Variants in NTRK2 observed in about 807,000 individuals in gnomAD.
NTRK2 encodes the protein BDNF/NT-3 growth factors receptor.
NTRK2 carries 13 observed loss-of-function variants against 94.5 expected under a neutral mutation model. That is an observed-to-expected ratio of 0.14 (90% CI 0.09 to 0.22). The LOEUF (loss-of-function observed/expected upper bound fraction) is 0.22, where lower values mean the gene tolerates loss of function less well. NTRK2 is among the 10% of genes least tolerant of loss of function. NTRK2 has a pLI of 1.00. For missense variants in NTRK2, 639 were observed against 1,071.2 expected, an observed-to-expected ratio of 0.60 and a Z score of 5.63; for synonymous variants, 372 against 407.4, an observed-to-expected ratio of 0.91 and a Z score of 1.05.
In NTRK2 at chr9:84,951,533, G is replaced by T. The variant is rs1053706132; in HGVS notation, c.1937+2899G>T. On this transcript the variant is annotated intron_variant, in intron 16 of 18. Transcript: ENST00000277120. The stretch of plus-strand genomic sequence containing the variant: ...GCTTCCGTGAGCTCACAGTGTGTCT[G>T]TACATACATGAATGTGTGTGTGTGT... 2.0e-5 allele frequency among the ~76,000 whole-genome samples: 3 copies of T among 150,536 alleles called. No individual in the cohort carries two copies. In the East Asian group the frequency reaches 5.9e-4, roughly 29 times the overall value.
chr9:85,016,925 A>G (rs768837413), intron 17 of NTRK2, among the ~76,000 whole-genome samples: 2 of 152,200 alleles, frequency 1.3e-5, no homozygotes, highest in Non-Finnish European at 2.9e-5. Flanking sequence ...CAGAAAATAA[A>G]TGATCAGATG....
Position 84,707,910 on chromosome 9 carries a change from A to T in NTRK2, c.426A>T (p.Glu142Asp). 1 of 1,611,882 alleles carries T rather than the reference A, an allele frequency of 6.2e-7. No individual in the cohort carries two copies. Among genetic ancestry groups the T allele is most frequent in the Non-Finnish European group, 8.5e-7 (1 of 1,178,348 alleles). ...ATTTCCGTCACCTTGACTTGTCTGA[A>T]CTGTAAGTAATGATTTTGTGTGGCA... Reference protein sequence around the residue: ...RKHFRHLDLSELILVGNPFTC... With the variant: ...RKHFRHLDLSDLILVGNPFTC... Residue 142 changes from glutamate (E) to aspartate (D), a missense_variant and splice_region_variant, in exon 5 of 19, where the codon GAA (glutamate) becomes GAT (aspartate). Around this residue, in one of 5 missense-constraint regions of NTRK2, gnomAD observed 206 missense variants for 251.5 expected, o/e 0.82. Transcript: ENST00000277120.
intron 14 of NTRK2, among the ~76,000 whole-genome samples, chr9:84,919,251 CCATCCACATCAGCTT>C (rs1337759500): frequency 6.6e-6 from 1 of 152,188 alleles, no homozygotes; most frequent in African/African-American, 2.4e-5. Context: ...CCGATAGTTA[CCATCCACATCAGCTT>C]CTTTCTTGAG....
intron 12 of NTRK2, among the ~76,000 whole-genome samples, chr9:84,759,362 G>C (rs1294094831): frequency 6.6e-6 from 1 of 152,238 alleles, no homozygotes; most frequent in Non-Finnish European, 1.5e-5. Flanking sequence ...GAATTGGCTA[G>C]AGTAGCCCAG....
chr9:84,940,080 T>C (rs1337078291), intron 15 of NTRK2, among the ~76,000 whole-genome samples: 2 of 152,152 alleles, frequency 1.3e-5, no homozygotes, highest in African/African-American at 4.8e-5. Context: ...AATATTCTGA[T>C]TATCCAGGCC....
chr9:84,830,150 G>A (rs766415214), intron 12 of NTRK2, among the ~76,000 whole-genome samples: 2 of 152,206 alleles, frequency 1.3e-5, no homozygotes, highest in African/African-American at 2.4e-5. Context: ...AAGCCTCACA[G>A]TGGCTCTGGC....
chr9:84,846,375 C>A (rs2074474601), intron 12 of NTRK2, among the ~76,000 whole-genome samples: 1 of 152,224 alleles, frequency 6.6e-6, no homozygotes, highest in African/African-American at 2.4e-5. Context: ...ATTTCTAAAT[C>A]ATTTAAGAAG....
At chr9:84,853,784 A>T (rs1241469332) in intron 12 of NTRK2, among the ~76,000 whole-genome samples, 1 of 152,216 alleles carries the variant, frequency 6.6e-6, no homozygotes, top group East Asian at 1.9e-4. Flanking sequence ...ATGACTCTGC[A>T]TAAGGACCTT....
At chr9:84,904,359 C>T (rs1306823745) in intron 14 of NTRK2, among the ~76,000 whole-genome samples, 15 of 152,210 alleles carry the variant, frequency 9.9e-5, no homozygotes. Context: ...ATTTATTCTT[C>T]AAGCATGACT....
intron 12 of NTRK2, among the ~76,000 whole-genome samples, chr9:84,755,525 CTTTTTTTTTTTTTT>C (rs745611460): frequency 3.3e-5 from 2 of 60,644 alleles, no homozygotes; most frequent in African/African-American, 7.0e-5. Flanking sequence ...AGTCCCACCT[CTTTTTTTTTTTTTT>C]TTTTTTTTTT....
At chr9:84,907,558 A>G (rs1026010972) in intron 14 of NTRK2, among the ~76,000 whole-genome samples, 2 of 152,240 alleles carry the variant, frequency 1.3e-5, no homozygotes, top group Admixed American at 6.5e-5. Flanking sequence ...CAAAAATCCC[A>G]AAAGCTCTGC....
rs143580063 is a variant in NTRK2, at chr9:84,886,477, C to T, written c.1633+19046C>T. ...GTTCAAGTCTAGCCTTAATTATCAC[C>T]GAAGCTCAGGGCCACTGCCATTCTC... On this transcript the variant is annotated intron_variant, in intron 14 of 18. Transcript: ENST00000277120. Among the ~76,000 whole-genome samples, 710 of 152,304 alleles carry T rather than the reference C, an allele frequency of 4.7e-3. 13 individuals are homozygous for T. The highest frequency in any genetic ancestry group is 0.038 in the Admixed American group (574 of 15,306).
chr9:84,783,189 G>A (rs17080621), intron 12 of NTRK2, among the ~76,000 whole-genome samples: 12,831 of 152,238 alleles, frequency 0.084, 957 homozygotes, highest in African/African-American at 0.19. Context: ...ACTGTGAAGG[G>A]TGACCTGTGA....
chr9:84,906,814 T>C (rs1421857061), intron 14 of NTRK2, among the ~76,000 whole-genome samples: 1 of 152,242 alleles, frequency 6.6e-6, no homozygotes, highest in Non-Finnish European at 1.5e-5. Context: ...TGGCTGTGCC[T>C]GTCGATGGAC....
chr9:84,808,992 A>G (rs1055981463), intron 12 of NTRK2, among the ~76,000 whole-genome samples: 1 of 152,180 alleles, frequency 6.6e-6, no homozygotes, highest in East Asian at 1.9e-4. Context: ...GGAGATTTCT[A>G]TTACCACATG....
Position 84,742,900 on chromosome 9 carries a change from A to G in NTRK2, c.1195+973A>G, listed in dbSNP as rs573174103. 4.2e-5 allele frequency among the ~76,000 whole-genome samples: 6 copies of G among 144,358 alleles called. No individual in the cohort carries two copies. The Admixed American group carries it at 4.4e-4, about 11-fold the overall frequency. The allele number at this position is 144,358 out of a possible 152,430, so 94.7% of individuals were successfully genotyped here. A position where few individuals can be genotyped will look rare whatever the true frequency, so the allele number is the denominator to read the frequency against. ...ACTGCAACCTCCGCCTCCCGAGTTC[A>G]AGCGATTCTCCTGCCTCAGCCTCCT... On this transcript the variant is annotated intron_variant, in intron 10 of 18. Transcript: ENST00000277120.
At chr9:84,930,978 T>A (rs761897916) in intron 14 of NTRK2, among the ~76,000 whole-genome samples, 6 of 152,232 alleles carry the variant, frequency 3.9e-5, no homozygotes, top group African/African-American at 1.4e-4. Context: ...CAAGTAGTAC[T>A]TGTCTGTGGT....
chr9:84,668,844 T>A (rs1587801099), upstream of NTRK2: 1 of 151,162 alleles, frequency 6.6e-6, no homozygotes, highest in Non-Finnish European at 1.5e-5. Flanking sequence ...TCGCGGGGAG[T>A]GAATCCACGA....
At chr9:84,810,307 C>T (rs899146660) in intron 12 of NTRK2, among the ~76,000 whole-genome samples, 2 of 152,106 alleles carry the variant, frequency 1.3e-5, no homozygotes, top group African/African-American at 4.8e-5. Flanking sequence ...GTTTCATGTA[C>T]CATGTAAAAT....
Sources: allele counts gnomAD v4.1 joint callset (sites outside exome capture counted in the v4.1 genomes callset), GRCh38; gene constraint gnomAD v4.1.1; regional missense constraint gnomAD v4.1.1; transcripts MANE v1.5; gene names NCBI Gene and HGNC (gene_info 2026-07-23, HGNC 2026-07-21).